The following FOXP2 variants were observed in gnomAD, a reference collection of about 807,000 sequenced individuals.
The protein encoded by FOXP2 is forkhead box protein P2.
FOXP2 carries 12 observed loss-of-function variants against 115.8 expected under a neutral mutation model. The observed-to-expected ratio is 0.10, with a 90% CI of 0.07 to 0.17. FOXP2 has a LOEUF of 0.17. Ranked by LOEUF, FOXP2 falls within the 10% of genes least tolerant of loss-of-function variation. The pLI is 1.00. For missense variants in FOXP2, 629 were observed against 843.5 expected (o/e 0.75, Z 3.15); for synonymous variants, 328 against 297.7 (o/e 1.10, Z -1.05).
intron 3 of FOXP2, among the ~76,000 whole-genome samples, chr7:114,562,501 C>G (rs1800801748): frequency 6.6e-6 from 1 of 152,284 alleles, no homozygotes; most frequent in South Asian, 2.1e-4. Context: ...TCTCTACTCC[C>G]AAAACAAACT....
intron 2 of FOXP2, among the ~76,000 whole-genome samples, chr7:114,473,591 C>T (rs1323887675): frequency 6.6e-6 from 1 of 152,050 alleles, no homozygotes; most frequent in Non-Finnish European, 1.5e-5. Context: ...TTATCTGTGC[C>T]CAAAATGAAT....
At chr7:114,512,341 T>C (rs1298421361) in intron 2 of FOXP2, among the ~76,000 whole-genome samples, 2 of 152,224 alleles carry the variant, frequency 1.3e-5, no homozygotes, top group African/African-American at 4.8e-5. Context: ...AAATTTGTGT[T>C]ATCATAGAAA....
At chr7:114,184,452 A>T (rs1202525800) in intron 1 of FOXP2, among the ~76,000 whole-genome samples, 1 of 152,144 alleles carries the variant, frequency 6.6e-6, no homozygotes, top group Admixed American at 6.6e-5. Context: ...GCTATAGGAC[A>T]TTGGGGGCAA....
intron 1 of FOXP2, among the ~76,000 whole-genome samples, chr7:114,214,860 G>C (rs1794448992): frequency 6.6e-6 from 1 of 152,134 alleles, no homozygotes; most frequent in African/African-American, 2.4e-5. Flanking sequence ...TCTATTCTAT[G>C]ATGATATCCT....
intron 3 of FOXP2, 50 bp from the exon 4 acceptor site, chr7:114,628,490 A>G (rs201906824): frequency 4.3e-6 from 7 of 1,611,340 alleles, no homozygotes; most frequent in Admixed American, 3.3e-5. Flanking sequence ...TGATTAACAG[A>G]TATTTGGTTA....
chr7:114,554,629 G>C (rs541556297), intron 3 of FOXP2, among the ~76,000 whole-genome samples: 1 of 152,088 alleles, frequency 6.6e-6, no homozygotes, highest in Non-Finnish European at 1.5e-5. Flanking sequence ...ATTGTGGTAG[G>C]TAGTGATTAC....
intron 1 of FOXP2, among the ~76,000 whole-genome samples, chr7:114,219,443 T>C (rs969588405): frequency 3.3e-5 from 5 of 152,148 alleles, no homozygotes; most frequent in African/African-American, 1.2e-4. Context: ...CATGTCAAAA[T>C]ATTTTTTCTG....
At chr7:114,564,324 T>C (rs77930234) in intron 3 of FOXP2, among the ~76,000 whole-genome samples, 5,289 of 152,284 alleles carry the variant, frequency 0.035, 275 homozygotes, top group African/African-American at 0.12. Context: ...TCTTTCAATA[T>C]GGTCAAACTG....
At chr7:114,291,229 G>A (rs1796581015) in intron 2 of FOXP2, among the ~76,000 whole-genome samples, 1 of 152,032 alleles carries the variant, frequency 6.6e-6, no homozygotes, top group Admixed American at 6.6e-5. Flanking sequence ...CTTCTTTCTC[G>A]TGTCCTCACA....
chr7:114,329,875 C>T (rs1797657426), intron 2 of FOXP2, among the ~76,000 whole-genome samples: 2 of 151,902 alleles, frequency 1.3e-5, no homozygotes, highest in South Asian at 4.1e-4. Context: ...AGGGGTTTCA[C>T]CATATTGGCC....
At chr7:114,540,817 A>G (rs547696879) in intron 3 of FOXP2, among the ~76,000 whole-genome samples, 1 of 152,168 alleles carries the variant, frequency 6.6e-6, no homozygotes, top group Admixed American at 6.6e-5. Context: ...GGCAAGTGTA[A>G]GTAGTTTGTT....
intron 3 of FOXP2, among the ~76,000 whole-genome samples, chr7:114,574,392 T>TA (rs1801473567): frequency 6.6e-6 from 1 of 151,948 alleles, no homozygotes; most frequent in Non-Finnish European, 1.5e-5. Flanking sequence ...TCACATTCAG[T>TA]TTTTTCAAAT....
rs1171255082 is a variant in FOXP2 at position 114,690,099 on chromosome 7, C to A, written c.*173C>A. 1 of 707,978 alleles carries A rather than the reference C, an allele frequency of 1.4e-6. No homozygotes were observed. Among genetic ancestry groups the A allele is most frequent in the Non-Finnish European group, 2.5e-6 (1 of 403,982 alleles). 43.9% of individuals were successfully genotyped at this position (707,978 alleles called of 1,614,324 possible). ...CCCTTTGGGATTCAGTACCAACAGG[C>A]AAATTGCTTGTTTTCTTCTTCTTCT... On this transcript the variant is annotated 3_prime_UTR_variant, in exon 17 of 17. Transcript: ENST00000350908.
chr7:114,565,206 C>A (rs565572325), intron 3 of FOXP2, among the ~76,000 whole-genome samples: 1 of 151,454 alleles, frequency 6.6e-6, no homozygotes, highest in Non-Finnish European at 1.5e-5. Context: ...ATGCAAATGG[C>A]ACTTATGTTG....
chr7:114,288,151 CT>C, intron 2 of FOXP2: 1 of 444,888 alleles, frequency 2.2e-6, no homozygotes, highest in Non-Finnish European at 4.5e-6. Flanking sequence ...GGTCATTGTG[CT>C]TATTTTTATT....
At chr7:114,625,495 G>A (rs371057498) in intron 3 of FOXP2, among the ~76,000 whole-genome samples, 5 of 151,694 alleles carry the variant, frequency 3.3e-5, no homozygotes, top group Non-Finnish European at 7.4e-5. Context: ...TACTGATTTC[G>A]TCTATTTAAA....
chr7:114,605,643 A>G (rs1341444543), intron 3 of FOXP2, among the ~76,000 whole-genome samples: 1 of 152,138 alleles, frequency 6.6e-6, no homozygotes, highest in African/African-American at 2.4e-5. Context: ...GTTTGGGTTG[A>G]TCGAGGTGTT....
intron 1 of FOXP2, among the ~76,000 whole-genome samples, chr7:114,271,789 TATGTC>T (rs1312515326): frequency 2.5e-5 from 3 of 118,950 alleles, no homozygotes; most frequent in Admixed American, 2.0e-4. Context: ...TATATAAATG[TATGTC>T]ATATTATTTA....
intron 2 of FOXP2, among the ~76,000 whole-genome samples, chr7:114,447,729 C>T (rs1470772515): frequency 1.3e-5 from 2 of 152,104 alleles, no homozygotes; most frequent in Admixed American, 6.6e-5. Context: ...TACCTACCCC[C>T]GACCCATACA....
Sources: gnomAD v4.1 joint callset for allele counts (sites outside exome capture counted in the v4.1 genomes callset) on GRCh38, gnomAD v4.1.1 for gene constraint, MANE v1.5 for transcripts, NCBI Gene and HGNC (gene_info 2026-07-23, HGNC 2026-07-21) for gene names.